PMPCA: variants seen among roughly 807,000 people sequenced by gnomAD.
PMPCA encodes the protein peptidase, mitochondrial processing subunit alpha.
In PMPCA, 47 loss-of-function variants were observed where a neutral mutation model predicts 59.3. That is an observed-to-expected ratio of 0.79 (90% CI 0.63 to 1.01). PMPCA has a LOEUF of 1.01. PMPCA is among the 50% of genes least tolerant of loss of function. The pLI is 0.00. For missense variants in PMPCA, 726 were observed against 704.5 expected, an observed-to-expected ratio of 1.03 and a Z score of -0.34; for synonymous variants, 338 against 290.3, an observed-to-expected ratio of 1.16 and a Z score of -1.67.
intron 7 of PMPCA, 67 bp downstream of exon 7, chr9:136,417,281 G>C (rs933870565): frequency 2.2e-5 from 30 of 1,362,844 alleles, no homozygotes; most frequent in Non-Finnish European, 3.0e-5. Flanking sequence ...GGTGTGACCT[G>C]TTTTTGTATT....
chr9:136,416,825 A>G lies in PMPCA; in HGVS notation c.634-126A>G, dbSNP rs562589525. The G allele has an allele frequency of 3.5e-5, 28 of 788,868 alleles. No homozygotes were observed. The African/African-American group carries it at 4.2e-4, about 12-fold the overall frequency. The allele number at this position is 788,868 out of a possible 1,614,324, so 48.9% of individuals were successfully genotyped here. On this transcript the variant is annotated intron_variant, in intron 6 of 12. Transcript: ENST00000371717. ...CACGCAGCTGCTATTGCCAGAGTGC[A>G]AGTAAAATATCAGCTTGCGTCGGAT...
In PMPCA at chr9:136,423,336, C is replaced by T. The variant is rs534335779; in HGVS notation, c.*72C>T. On this transcript the variant is annotated 3_prime_UTR_variant, in exon 13 of 13. Coordinates refer to ENST00000371717, the MANE Select transcript of PMPCA (RefSeq NM_015160.3). ...GTTCCCGTGCGTGTTAGTTTGGACA[C>T]GAATTTAGTCTAAAAAGCTGTCTGG... 5 of 1,457,066 alleles carry T rather than the reference C, an allele frequency of 3.4e-6. No individual in the cohort carries two copies. The Admixed American group carries it at 6.3e-5, about 18-fold the overall frequency. The allele number at this position is 1,457,066 out of a possible 1,614,324, so 90.3% of individuals were successfully genotyped here.
rs1835332986 is a variant in PMPCA, at chr9:136,418,074, C to T, written c.955C>T (p.His319Tyr). ...LGPTPIPELT[H>Y]IMVGLESCSF... ...CCCGACCCCCATCCCCGAGCTCACG[C>T]ACATCATGGTTGGACTGGAGAGCTG... Residue 319 changes from histidine (H) to tyrosine (Y), a missense_variant, in exon 8 of 13, where the codon CAC becomes TAC. By Grantham distance (83) the His-to-Tyr change is moderately conservative. Transcript: ENST00000371717. 6.2e-7 allele frequency: 1 copy of T among 1,613,766 alleles called. No homozygotes were observed. Among genetic ancestry groups the T allele is most frequent in the Non-Finnish European group, 8.5e-7 (1 of 1,179,592 alleles).
At chr9:136,411,757 C>T (rs1835124325) in intron 1 of PMPCA, among the ~76,000 whole-genome samples, 1 of 152,184 alleles carries the variant, frequency 6.6e-6, no homozygotes. Context: ...TGTTAATAAG[C>T]CCTGTTTTTA....
chr9:136,410,760 G>C, intron 1 of PMPCA, 21 bp downstream of exon 1: 3 of 1,394,496 alleles, frequency 2.2e-6, no homozygotes, highest in Non-Finnish European at 2.8e-6. Flanking sequence ...GGCGAACCAG[G>C]CTTCGGCCTG....
chr9:136,418,945 C>A (rs781693424), intron 10 of PMPCA, 27 bp downstream of exon 10: 1 of 1,606,550 alleles, frequency 6.2e-7, no homozygotes, highest in South Asian at 1.1e-5. Flanking sequence ...CCACCGTCCT[C>A]AGTGCGGTTG....
Position 136,418,102 on chromosome 9 carries a change from C to G in PMPCA, c.983C>G (p.Ser328Cys). 1.2e-6 allele frequency: 2 copies of G among 1,610,828 alleles called. No homozygotes were observed. The highest frequency in any genetic ancestry group is 1.1e-5 in the South Asian group (1 of 91,002). ...ATCATGGTTGGACTGGAGAGCTGCT[C>G]CTTCCTGGTGAGTCCTGGTGCTGGG... ...THIMVGLESC[S>C]FLEEDFIPFA... The change falls in exon 8 of 13, where the codon TCC becomes TGC. Residue 328 changes from serine (S) to cysteine (C), a missense_variant. Physicochemically the swap from Ser to Cys is moderately radical, Grantham distance 112. Coordinates refer to ENST00000371717, the MANE Select transcript of PMPCA (RefSeq NM_015160.3).
At chr9:136,421,207 T>C (rs919683893) in intron 11 of PMPCA, among the ~76,000 whole-genome samples, 3 of 152,244 alleles carry the variant, frequency 2.0e-5, no homozygotes, top group African/African-American at 7.2e-5. Flanking sequence ...GTGGCCACTT[T>C]GGGGCCCTGG....
chr9:136,416,936 G>C lies in PMPCA; in HGVS notation c.634-15G>C. The C allele has an allele frequency of 6.3e-7, 1 of 1,597,420 alleles. No individual in the cohort carries two copies. The highest frequency in any genetic ancestry group is 8.5e-7 in the Non-Finnish European group (1 of 1,169,914). On this transcript the variant is annotated splice_polypyrimidine_tract_variant and intron_variant, in intron 6 of 12. Coordinates refer to ENST00000371717, the MANE Select transcript of PMPCA (RefSeq NM_015160.3). ...CTGTCTTCAGTCACCTGTGTCTGTG[G>C]CTCTTCCCCATTAGGCGGCTTACAG...
At chr9:136,423,046 G>C (rs556578627) in intron 12 of PMPCA, 49 bp from the exon 13 acceptor site, 3 of 1,559,942 alleles carry the variant, frequency 1.9e-6, no homozygotes, top group Non-Finnish European at 2.6e-6. Context: ...CAGCCTCAGC[G>C]TGGGGGCCGT....
At chr9:136,423,009 G>GC (rs1835502269) in intron 12 of PMPCA, 86 bp from the exon 13 acceptor site, 1 of 1,499,098 alleles carries the variant, frequency 6.7e-7, no homozygotes, top group Non-Finnish European at 8.9e-7. Flanking sequence ...GTACAGACCA[G>GC]CCGCCCCCTC....
rs1029990935 is a variant in PMPCA at position 136,416,116 on chromosome 9, G to A, written c.533-175G>A. On this transcript the variant is annotated intron_variant, in intron 5 of 12. Transcript: ENST00000371717. ...CCAGGTCCCCTAGCTCCTGCTCCCT[G>A]TAGCAGTCCCCCTCACTCACACAAG... The A allele has an allele frequency of 2.6e-5, 16 of 608,108 alleles. No individual in the cohort carries two copies. In the Admixed American group the frequency reaches 4.3e-4, roughly 16 times the overall value. 37.7% of individuals were successfully genotyped at this position (608,108 alleles called of 1,614,324 possible).
At chr9:136,419,265 G>C in intron 11 of PMPCA, 159 bp downstream of exon 11, 1 of 736,258 alleles carries the variant, frequency 1.4e-6, no homozygotes, top group South Asian at 1.4e-5. Flanking sequence ...GCACAGCCTG[G>C]GGCTGAGCTG....
chr9:136,423,505 A>G lies in PMPCA; in HGVS notation c.*241A>G. 2 of 495,588 alleles carry G rather than the reference A, an allele frequency of 4.0e-6. No homozygotes were observed. Among genetic ancestry groups the G allele is most frequent in the South Asian group, 2.6e-5 (1 of 37,972 alleles). The allele number at this position is 495,588 out of a possible 1,614,324, so 30.7% of individuals were successfully genotyped here. On this transcript the variant is annotated 3_prime_UTR_variant, in exon 13 of 13. Transcript: ENST00000371717. ...GGTGAAGTGCCCAGCGCTGGAGTGC[A>G]GCGTGCCACGAGGAGGGCGGTCGGT...
rs11145967 is a variant in PMPCA at position 136,418,520 on chromosome 9, G to T, written c.991-35G>T. On this transcript the variant is annotated intron_variant, in intron 8 of 12. Coordinates refer to ENST00000371717, the MANE Select transcript of PMPCA (RefSeq NM_015160.3). ...CTGACGGTGCTCCTGACGTGGCGTG[G>T]GTGGTTCAGCCAGCTCTGCCCTCCG... 0.11 allele frequency: 143,862 copies of T among 1,329,230 alleles called. 8,767 individuals carry two copies. The highest frequency in any genetic ancestry group is 0.17 in the Admixed American group (9,950 of 58,936). The allele number at this position is 1,329,230 out of a possible 1,614,324, so 82.3% of individuals were successfully genotyped here. A position where few individuals can be genotyped will look rare whatever the true frequency, so the allele number is the denominator to read the frequency against.
At position 136,412,061 on chromosome 9, in the gene PMPCA, T is replaced by C; in HGVS notation, c.136T>C (p.Ser46Pro). The change falls in exon 2 of 13, where the codon TCT (serine) becomes CCT (proline). Residue 46 changes from serine to proline, a missense_variant. By Grantham distance (74) the Ser-to-Pro change is moderately conservative. Coordinates refer to ENST00000371717, the MANE Select transcript of PMPCA (RefSeq NM_015160.3). Reference sequence around the variant, plus strand: ...TGCCTATCCCAACATCCCCCTCTCTTCTCCCTTACCTGGAGTACCCAAGCC... The same window carrying C: ...TGCCTATCCCAACATCCCCCTCTCTCCTCCCTTACCTGGAGTACCCAAGCC... ...GGAYPNIPLS[S>P]PLPGVPKPVF... is the part of the protein sequence containing the mutation. 1 of 1,613,494 alleles carries C rather than the reference T, an allele frequency of 6.2e-7. No homozygotes were observed. The highest frequency in any genetic ancestry group is 8.5e-7 in the Non-Finnish European group (1 of 1,179,506).
At chr9:136,417,335 T>C (rs1377145394) in intron 7 of PMPCA, 121 bp downstream of exon 7, 1 of 764,802 alleles carries the variant, frequency 1.3e-6, no homozygotes, top group Non-Finnish European at 2.0e-6. Flanking sequence ...TAGCTTTGCC[T>C]TAACACATGC....
At position 136,410,738 on chromosome 9, in the gene PMPCA, A is replaced by T. The variant is rs778283114; in HGVS notation, c.70A>T (p.Arg24Trp). 1 of 1,413,746 alleles carries T rather than the reference A, an allele frequency of 7.1e-7. No homozygotes were observed. Among genetic ancestry groups the T allele is most frequent in the South Asian group, 1.7e-5 (1 of 60,348 alleles). The allele number at this position is 1,413,746 out of a possible 1,614,324, so 87.6% of individuals were successfully genotyped here. A position where few individuals can be genotyped will look rare whatever the true frequency, so the allele number is the denominator to read the frequency against. Residue 24 changes from arginine (R) to tryptophan (W), a missense_variant and splice_region_variant, in exon 1 of 13, where the codon AGG (arginine) becomes TGG (tryptophan). Transcript: ENST00000371717. The stretch of plus-strand genomic sequence containing the variant: ...GGGTTCTTGGGGCTGTTCGCGGCTG[A>T]GGTGAGCCAAAGGCGAACCAGGCTT... ...GSGSWGCSRL[R>W]FGPPAYRRFS...
rs768108560 is a variant in PMPCA at position 136,423,153 on chromosome 9, G to A, written c.1467G>A (p.Pro489=). The change falls in exon 13 of 13, where the codon CCG becomes CCA. Residue 489 remains proline (P), a synonymous_variant. Transcript: ENST00000371717. ...CTTCTAAGATGCTCCGAGGGAAGCC[G>A]GCAGTGGCCGCCCTGGGTGACCTGA... is the stretch of plus-strand genomic sequence containing the variant. ...RVASKMLRGK[P]AVAALGDLTD... 5.6e-6 allele frequency: 9 copies of A among 1,613,622 alleles called. No homozygotes were observed. The highest frequency in any genetic ancestry group is 2.2e-5 in the East Asian group (1 of 44,894).
Sources: gnomAD v4.1 joint callset for allele counts (sites outside exome capture counted in the v4.1 genomes callset) on GRCh38, gnomAD v4.1.1 for gene constraint, MANE v1.5 for transcripts, NCBI Gene and HGNC (gene_info 2026-07-23, HGNC 2026-07-21) for gene names.